Variants in MDGA2 observed in about 807,000 individuals in gnomAD.
The protein encoded by MDGA2 is MAM domain-containing glycosylphosphatidylinositol anchor protein 2.
A neutral mutation model predicts 117.8 loss-of-function variants in MDGA2; 40 were observed. That is an observed-to-expected ratio of 0.34 (90% CI 0.26 to 0.44). The LOEUF (loss-of-function observed/expected upper bound fraction) is 0.44, where lower values mean the gene tolerates loss of function less well. Among genes scored for constraint, MDGA2 ranks in the 20% least tolerant of loss-of-function variants. The pLI, the probability that MDGA2 is intolerant of heterozygous loss-of-function variation, is 1.00. For synonymous variants in MDGA2, 452 were observed against 439.0 expected, an observed-to-expected ratio of 1.03 and a Z score of -0.37; for missense variants, 1,123 against 1,250.6, an observed-to-expected ratio of 0.90 and a Z score of 1.54.
intron 1 of MDGA2, among the ~76,000 whole-genome samples, chr14:47,309,260 A>G (rs1405919543): frequency 1.3e-5 from 2 of 152,136 alleles, no homozygotes; most frequent in East Asian, 1.9e-4. Context: ...GTTATTTTAA[A>G]CTAACTACAA....
chr14:47,059,805 G>C (rs1238069467), intron 7 of MDGA2, among the ~76,000 whole-genome samples: 1 of 152,050 alleles, frequency 6.6e-6, no homozygotes, highest in Admixed American at 6.6e-5. Context: ...TTTTGATTAA[G>C]TCTAGAACAT....
chr14:47,300,793 C>T (rs1352153808), intron 2 of MDGA2, among the ~76,000 whole-genome samples: 2 of 152,118 alleles, frequency 1.3e-5, no homozygotes, highest in African/African-American at 2.4e-5. Context: ...GCCACCACAC[C>T]TGGGCTTTGC....
At chr14:47,432,069 G>T (rs1437990349) in intron 1 of MDGA2, among the ~76,000 whole-genome samples, 2 of 152,064 alleles carry the variant, frequency 1.3e-5, no homozygotes, top group African/African-American at 4.8e-5. Context: ...GAAAGACTAT[G>T]TCTATTAGAT....
intron 1 of MDGA2, among the ~76,000 whole-genome samples, chr14:47,319,509 C>T (rs1391383251): frequency 6.6e-6 from 1 of 152,140 alleles, no homozygotes; most frequent in Non-Finnish European, 1.5e-5. Flanking sequence ...CTAACACATG[C>T]TACTAAACTC....
rs777818167 is a variant in MDGA2, at chr14:46,841,914, C to G, written c.*17G>C. Reference sequence around the variant, plus strand: ...CCAGTGCCTGGTGAATCTTTTATAGCCTCTGCCAGGATAAGGTCACCTTCG... The same window carrying G: ...CCAGTGCCTGGTGAATCTTTTATAGGCTCTGCCAGGATAAGGTCACCTTCG... On this transcript the variant is annotated 3_prime_UTR_variant, in exon 17 of 17. Transcript: ENST00000399232. 1 of 1,552,242 alleles carries G rather than the reference C, an allele frequency of 6.4e-7. No individual in the cohort carries two copies. Among genetic ancestry groups the G allele is most frequent in the Non-Finnish European group, 8.8e-7 (1 of 1,130,410 alleles).
intron 10 of MDGA2, among the ~76,000 whole-genome samples, chr14:46,909,389 T>C (rs552439628): frequency 5.9e-5 from 9 of 152,266 alleles, no homozygotes; most frequent in Admixed American, 1.3e-4. Context: ...ACATTTTTTT[T>C]CCCATGTTTT....
At chr14:47,356,991 T>C (rs1402708605) in intron 1 of MDGA2, among the ~76,000 whole-genome samples, 3 of 152,152 alleles carry the variant, frequency 2.0e-5, no homozygotes, top group Non-Finnish European at 2.9e-5. Context: ...GAAAAATAAA[T>C]CTTAACGGAG....
chr14:46,894,974 AAATTGG>A (rs1883020908), intron 10 of MDGA2, among the ~76,000 whole-genome samples: 1 of 152,222 alleles, frequency 6.6e-6, no homozygotes, highest in Non-Finnish European at 1.5e-5. Context: ...CAATCCTGAT[AAATTGG>A]AATTAAGCAG....
intron 1 of MDGA2, among the ~76,000 whole-genome samples, chr14:47,444,647 AG>A (rs1161156926): frequency 6.6e-6 from 1 of 152,130 alleles, no homozygotes; most frequent in African/African-American, 2.4e-5. Context: ...CATGCATGTA[AG>A]ACTTCTGGGT....
intron 8 of MDGA2, among the ~76,000 whole-genome samples, chr14:47,018,552 T>G (rs1888164676): frequency 6.6e-6 from 1 of 151,372 alleles, no homozygotes; most frequent in South Asian, 2.1e-4. Flanking sequence ...GTCTAATAAA[T>G]GAAGTAATGT....
chr14:47,266,455 C>G (rs775199280), intron 2 of MDGA2, among the ~76,000 whole-genome samples: 1 of 152,166 alleles, frequency 6.6e-6, no homozygotes, highest in Non-Finnish European at 1.5e-5. Flanking sequence ...TACTTCGTCT[C>G]CTTCTCTTCC....
At chr14:47,427,351 A>G (rs544246862) in intron 1 of MDGA2, among the ~76,000 whole-genome samples, 3 of 152,252 alleles carry the variant, frequency 2.0e-5, no homozygotes, top group African/African-American at 7.2e-5. Flanking sequence ...GAGAACTGAG[A>G]GGTGTCAGGT....
At chr14:47,422,150 C>T (rs1370748288) in intron 1 of MDGA2, among the ~76,000 whole-genome samples, 1 of 152,120 alleles carries the variant, frequency 6.6e-6, no homozygotes, top group East Asian at 1.9e-4. Context: ...TTTCTACTCT[C>T]TTCCTTGGTT....
chr14:47,218,064 G>A lies in MDGA2; in HGVS notation c.552C>T (p.Gly184=), dbSNP rs528094986. 1.9e-6 allele frequency: 3 copies of A among 1,551,250 alleles called. No individual in the cohort carries two copies. Among genetic ancestry groups the A allele is most frequent in the East Asian group, 2.4e-5 (1 of 40,872 alleles). Residue 184 remains glycine, a synonymous_variant, in exon 3 of 17, where the codon GGC becomes GGT. Coordinates refer to ENST00000399232, the MANE Select transcript of MDGA2 (RefSeq NM_001113498.3). ...GGRYYCKAEN[G]LGSPAIKSIR... ...TTGACTTTATCGCTGGAGACCCCAA[G>A]CCATTCTCTGCTTTACAGTAATACC...
intron 7 of MDGA2, among the ~76,000 whole-genome samples, chr14:47,046,554 A>C (rs1017445772): frequency 6.6e-6 from 1 of 152,006 alleles, no homozygotes; most frequent in Non-Finnish European, 1.5e-5. Flanking sequence ...TACATATGTA[A>C]CAAACCTGCA....
chr14:47,523,983 A>C (rs1178181222), intron 1 of MDGA2, among the ~76,000 whole-genome samples: 1 of 152,162 alleles, frequency 6.6e-6, no homozygotes, highest in Non-Finnish European at 1.5e-5. Context: ...GTAATGCTTG[A>C]GGGCAAAATC....
chr14:47,593,353 C>G (rs900322039), intron 1 of MDGA2, among the ~76,000 whole-genome samples: 1 of 152,128 alleles, frequency 6.6e-6, no homozygotes, highest in Non-Finnish European at 1.5e-5. Flanking sequence ...ACCAGAAATA[C>G]CATTTGACCC....
intron 1 of MDGA2, among the ~76,000 whole-genome samples, chr14:47,378,192 C>A (rs1280683534): frequency 3.3e-5 from 5 of 152,072 alleles, no homozygotes; most frequent in Non-Finnish European, 5.9e-5. Flanking sequence ...AACATCCACA[C>A]CAAAACCCCA....
At chr14:47,622,793 G>A (rs1047029816) in intron 1 of MDGA2, among the ~76,000 whole-genome samples, 1 of 152,168 alleles carries the variant, frequency 6.6e-6, no homozygotes, top group Non-Finnish European at 1.5e-5. Flanking sequence ...GCAACACTAG[G>A]ATTGGTCATA....
Sources: gnomAD v4.1 joint callset for allele counts (sites outside exome capture counted in the v4.1 genomes callset) on GRCh38, gnomAD v4.1.1 for gene constraint, MANE v1.5 for transcripts, NCBI Gene and HGNC (gene_info 2026-07-23, HGNC 2026-07-21) for gene names.